HAUS4: variants seen among roughly 807,000 people sequenced by gnomAD.
The protein encoded by HAUS4 is HAUS augmin like complex subunit 4.
Under a neutral mutation model 50.6 loss-of-function variants are expected in HAUS4, and 34 were observed. The observed-to-expected ratio is 0.67, with a 90% CI of 0.51 to 0.90. HAUS4 has a LOEUF of 0.90. Among genes scored for constraint, HAUS4 ranks in the 40% least tolerant of loss-of-function variants. The pLI is 0.00. For synonymous variants in HAUS4, 149 were observed against 161.4 expected, an observed-to-expected ratio of 0.92 and a Z score of 0.58; for missense variants, 370 against 428.7, an observed-to-expected ratio of 0.86 and a Z score of 1.21.
Position 22,952,361 on chromosome 14 carries a change from T to G in HAUS4, c.297A>C (p.Ile99=), listed in dbSNP as rs761770508. The G allele has an allele frequency of 1.2e-6, 2 of 1,614,010 alleles. No homozygotes were observed. The highest frequency in any genetic ancestry group is 1.7e-5 in the Admixed American group (1 of 60,002). Residue 99 remains isoleucine (I), a synonymous_variant, in exon 4 of 10, where the codon ATA becomes ATC. Transcript: ENST00000541587. ...QELLVDYYVK[I]QDTNVTSEDK... is the part of the protein sequence containing the mutation. ...CCTCAGAAGTTACATTTGTGTCTTGTATCTTCACATAGTAGTCCACAAGCA... is the reference window on the plus strand; with the variant it reads ...CCTCAGAAGTTACATTTGTGTCTTGGATCTTCACATAGTAGTCCACAAGCA...
At chr14:22,948,038 C>T in intron 6 of HAUS4, 25 bp from the exon 7 acceptor site, 1 of 1,580,648 alleles carries the variant, frequency 6.3e-7, no homozygotes, top group African/African-American at 1.3e-5. Flanking sequence ...AGAGGACTGA[C>T]AGGAAAACCC....
chr14:22,950,394 C>G lies in HAUS4; in HGVS notation c.482G>C (p.Arg161Thr). Reference sequence around the variant, plus strand: ...CTCTACTTCTTGCTGTAGCCGAGCCCTCATCCACACAAAATCCTACAGTCA... The same window carrying G: ...CTCTACTTCTTGCTGTAGCCGAGCCGTCATCCACACAAAATCCTACAGTCA... ...MPLSEDFVWM[R>T]ARLQQEVEEQ... Residue 161 changes from arginine to threonine, a missense_variant, in exon 6 of 10, where the codon AGG becomes ACG. Physicochemically the swap from Arg to Thr is moderately conservative, Grantham distance 71. Coordinates refer to ENST00000541587, the MANE Select transcript of HAUS4 (RefSeq NM_001166269.2). 1 of 1,610,436 alleles carries G rather than the reference C, an allele frequency of 6.2e-7. No individual in the cohort carries two copies. Among genetic ancestry groups the G allele is most frequent in the Non-Finnish European group, 8.5e-7 (1 of 1,176,728 alleles).
At chr14:22,948,323 G>A (rs772441375) in intron 6 of HAUS4, 131 of 232,732 alleles carry the variant, frequency 5.6e-4, no homozygotes, top group South Asian at 4.6e-4. Context: ...CATACTATGC[G>A]CCTGTAGTGC....
In HAUS4 at chr14:22,948,559, G is replaced by A. The variant is rs572645522; in HGVS notation, c.563-546C>T. On this transcript the variant is annotated intron_variant, in intron 6 of 9. Transcript: ENST00000541587. Reference sequence around the variant, plus strand: ...TTAATTCTTTTTATTTTTTTGAGACGGAGTCTCTCACTGTCACCTCGGCCG... The same window carrying A: ...TTAATTCTTTTTATTTTTTTGAGACAGAGTCTCTCACTGTCACCTCGGCCG... 8.6e-5 allele frequency among the ~76,000 whole-genome samples: 13 copies of A among 151,088 alleles called. No individual in the cohort carries two copies. The South Asian group carries it at 1.7e-3, about 19-fold the overall frequency.
chr14:22,949,648 A>T (rs1211864322), intron 6 of HAUS4, among the ~76,000 whole-genome samples: 2 of 152,132 alleles, frequency 1.3e-5, no homozygotes, highest in Non-Finnish European at 2.9e-5. Flanking sequence ...CTAGAAACAC[A>T]TTATTATAAA....
intron 7 of HAUS4, 35 bp from the exon 8 acceptor site, chr14:22,947,766 T>G (rs774045454): frequency 7.4e-6 from 12 of 1,612,986 alleles, no homozygotes; most frequent in Middle Eastern, 1.6e-4. Context: ...AGGGCATAAA[T>G]AAAGATAGTA....
intron 6 of HAUS4, among the ~76,000 whole-genome samples, 162 bp downstream of exon 6, chr14:22,950,136 AAAAAAAACAAAAAAAC>A (rs367821155): frequency 2.6e-5 from 4 of 151,958 alleles, no homozygotes; most frequent in Non-Finnish European, 5.9e-5. Context: ...CTCAAAAAAA[AAAAAAAACAAAAAAAC>A]AAAAAGTCCT....
Position 22,946,591 on chromosome 14 carries a change from G to T in HAUS4, c.1026C>A (p.Thr342=). The T allele has an allele frequency of 6.2e-7, 1 of 1,613,520 alleles. No individual in the cohort carries two copies. Among genetic ancestry groups the T allele is most frequent in the South Asian group, 1.1e-5 (1 of 91,068 alleles). ...EEFDRLVKEY[T]VLKQATENKR... is the part of the protein sequence containing the mutation. ...TGTTCTCTGTTGCCTGCTTGAGTAC[G>T]GTGTACTCTTTCACCAGCCTGTCAA... The change falls in exon 10 of 10, where the codon ACC becomes ACA. Residue 342 remains threonine (T), a synonymous_variant. Coordinates refer to ENST00000541587, the MANE Select transcript of HAUS4 (RefSeq NM_001166269.2).
In HAUS4 at chr14:22,947,250, G is replaced by C. The variant is rs372291656; in HGVS notation, c.840-11C>G. 23 of 1,586,100 alleles carry C rather than the reference G, an allele frequency of 1.5e-5. No homozygotes were observed. Among genetic ancestry groups the C allele is most frequent in the Middle Eastern group, 1.7e-4 (1 of 6,028 alleles). On this transcript the variant is annotated splice_polypyrimidine_tract_variant and intron_variant, in intron 8 of 9. Transcript: ENST00000541587. ...TTTAGCTCCTCCATCCTGACAGAGG[G>C]AAGAAAGAAATGTCAAGGCAGGAAG...
rs1265931368 is a variant in HAUS4 at position 22,947,744 on chromosome 14, T to C, written c.709-13A>G. 1.9e-6 allele frequency: 3 copies of C among 1,613,676 alleles called. No homozygotes were observed. The highest frequency in any genetic ancestry group is 4.5e-5 in the East Asian group (2 of 44,862). ...AGCGGAGAAGCACCTGAGCCCAAGA[T>C]GGAGGAAGAAGAGGGCATAAATAAA... is the stretch of plus-strand genomic sequence containing the variant. On this transcript the variant is annotated splice_polypyrimidine_tract_variant and intron_variant, in intron 7 of 9. Transcript: ENST00000541587.
At chr14:22,955,210 A>G in intron 1 of HAUS4, 34 bp from the exon 2 acceptor site, 1 of 1,253,812 alleles carries the variant, frequency 8.0e-7, no homozygotes, top group Non-Finnish European at 1.2e-6. Flanking sequence ...AAACAAAAAG[A>G]TGAATAAACA....
chr14:22,950,345 GA>G lies in HAUS4; in HGVS notation c.530del (p.Phe177SerfsTer18). ...EVEEQLKKKC[F>X]TLLCYYDPNS... Reference sequence around the variant, plus strand: ...TGGGATCATAGTAGCAGAGCAGAGTGAAACATTTCTTTTTGAGCTGCTCCTC... The same window carrying G: ...TGGGATCATAGTAGCAGAGCAGAGTGAACATTTCTTTTTGAGCTGCTCCTC... On this transcript the variant is annotated frameshift_variant, in exon 6 of 10. Coordinates refer to ENST00000541587, the MANE Select transcript of HAUS4 (RefSeq NM_001166269.2). LOFTEE classifies it high-confidence loss of function. 6.2e-7 allele frequency: 1 copy of G among 1,611,844 alleles called. No homozygotes were observed. Among genetic ancestry groups the G allele is most frequent in the African/African-American group, 1.3e-5 (1 of 74,986 alleles).
intron 6 of HAUS4, among the ~76,000 whole-genome samples, chr14:22,949,494 A>T (rs1484430935): frequency 1.4e-5 from 2 of 139,260 alleles, no homozygotes; most frequent in East Asian, 4.3e-4. Context: ...GCGCCACTGC[A>T]CTCCAGCCTG....
intron 9 of HAUS4, among the ~76,000 whole-genome samples, 154 bp downstream of exon 9, chr14:22,947,017 C>T (rs2044655518): frequency 6.6e-6 from 1 of 152,136 alleles, no homozygotes; most frequent in South Asian, 2.1e-4. Flanking sequence ...ACTCCTGACT[C>T]AAGCGAGCTG....
intron 1 of HAUS4, among the ~76,000 whole-genome samples, chr14:22,956,277 C>T (rs570564031): frequency 2.8e-4 from 43 of 152,266 alleles, no homozygotes; most frequent in African/African-American, 1.0e-3. Flanking sequence ...ACTTTTCCCA[C>T]CTGCAAAACT....
intron 2 of HAUS4, among the ~76,000 whole-genome samples, 182 bp from the exon 3 acceptor site, chr14:22,952,865 C>G (rs1338305738): frequency 2.6e-5 from 4 of 151,956 alleles, no homozygotes; most frequent in South Asian, 2.1e-4. Context: ...AGGTAACAAG[C>G]ATTTATATTA....
rs1415880502 is a variant in HAUS4 at position 22,947,691 on chromosome 14, T to A, written c.749A>T (p.Gln250Leu). The A allele has an allele frequency of 6.2e-7, 1 of 1,614,126 alleles. No individual in the cohort carries two copies. The highest frequency in any genetic ancestry group is 1.1e-5 in the South Asian group (1 of 91,078). Residue 250 changes from glutamine (Q) to leucine (L), a missense_variant, in exon 8 of 10, where the codon CAA becomes CTA. Physicochemically the swap from Gln to Leu is moderately radical, Grantham distance 113. Transcript: ENST00000541587. Reference sequence around the variant, plus strand: ...GGATTGAGTCTTCAGCCGGTGTTCTTGAAGAAGCCTCTGCAGCAAAGTGAG... The same window carrying A: ...GGATTGAGTCTTCAGCCGGTGTTCTAGAAGAAGCCTCTGCAGCAAAGTGAG... ...RCLTLLQRLL[Q>L]EHRLKTQSEL...
rs2139321277 is a variant in HAUS4 at position 22,955,150 on chromosome 14, G to A, written c.5C>T (p.Ala2Val). Residue 2 changes from alanine (A) to valine (V), a missense_variant, in exon 2 of 10, where the codon GCA (alanine) becomes GTA (valine). By Grantham distance (64) the Ala-to-Val change is moderately conservative. Coordinates refer to ENST00000541587, the MANE Select transcript of HAUS4 (RefSeq NM_001166269.2). The part of the protein sequence containing the change: M[A>V]SGDFCSPGEG... Reference sequence around the variant, plus strand: ...TCCAGGTGAGCAGAAATCCCCGGATGCCATTTGATTTTCTTGGGATTCTAA... The same window carrying A: ...TCCAGGTGAGCAGAAATCCCCGGATACCATTTGATTTTCTTGGGATTCTAA... 6.2e-7 allele frequency: 1 copy of A among 1,610,394 alleles called. No homozygotes were observed. The highest frequency in any genetic ancestry group is 8.5e-7 in the Non-Finnish European group (1 of 1,176,596).
At chr14:22,950,483 T>C in intron 5 of HAUS4, 73 bp from the exon 6 acceptor site, 2 of 855,350 alleles carry the variant, frequency 2.3e-6, no homozygotes, top group Middle Eastern at 2.2e-4. Flanking sequence ...AATGAATACA[T>C]GATGATAACC....
Sources: gnomAD v4.1 joint callset for allele counts (sites outside exome capture counted in the v4.1 genomes callset) on GRCh38, gnomAD v4.1.1 for gene constraint, MANE v1.5 for transcripts, NCBI Gene and HGNC (gene_info 2026-07-23, HGNC 2026-07-21) for gene names.